DOT1L: variants seen among roughly 807,000 people sequenced by gnomAD.
DOT1L encodes the protein DOT1 like histone lysine methyltransferase.
DOT1L carries 33 observed loss-of-function variants against 153.3 expected under a neutral mutation model. The ratio of observed to expected loss-of-function variants is 0.22; its 90% CI spans 0.16 to 0.29. The LOEUF is 0.29. Among genes scored for constraint, DOT1L ranks in the 10% least tolerant of loss-of-function variants. The pLI is 1.00. For missense variants in DOT1L, 1,847 were observed against 2,119.9 expected, an observed-to-expected ratio of 0.87 and a Z score of 2.53; for synonymous variants, 1,135 against 965.1, an observed-to-expected ratio of 1.18 and a Z score of -3.26.
chr19:2,227,636 G>C, intron 27 of DOT1L: 1 of 1,215,576 alleles, frequency 8.2e-7, no homozygotes, highest in South Asian at 1.4e-5. Flanking sequence ...CACGCCTGGC[G>C]GCGCCGTTTC....
intron 22 of DOT1L, among the ~76,000 whole-genome samples, chr19:2,218,360 A>G (rs1413751989): frequency 2.0e-5 from 3 of 152,184 alleles, no homozygotes; most frequent in Admixed American, 1.3e-4. Flanking sequence ...CGCTTCAAGT[A>G]TATGCTTCAG....
chr19:2,185,809 A>G lies in DOT1L; in HGVS notation c.126-46A>G, dbSNP rs753086198. The G allele has an allele frequency of 6.3e-6, 10 of 1,593,064 alleles. 1 individual carries two copies. The highest frequency in any genetic ancestry group is 3.3e-4 in the Middle Eastern group (2 of 6,014). Reference sequence around the variant, plus strand: ...ACAAAAACAAAACACAAAACAAAACAAAAAAAACCAAACCCTTCCTGATCG... The same window carrying G: ...ACAAAAACAAAACACAAAACAAAACGAAAAAAACCAAACCCTTCCTGATCG... On this transcript the variant is annotated intron_variant, in intron 2 of 27. Transcript: ENST00000398665.
At position 2,230,328 on chromosome 19, in the gene DOT1L, G is replaced by A. The variant is rs1444066278; in HGVS notation, c.*536G>A. On this transcript the variant is annotated 3_prime_UTR_variant, in exon 28 of 28. Coordinates refer to ENST00000398665, the MANE Select transcript of DOT1L (RefSeq NM_032482.3). Reference sequence around the variant, plus strand: ...CACCACATTCCTCGGAGGCCTCCCCGCGGCCTGAGCCCCTTCCTGAGCGCC... The same window carrying A: ...CACCACATTCCTCGGAGGCCTCCCCACGGCCTGAGCCCCTTCCTGAGCGCC... 2.9e-5 allele frequency: 12 copies of A among 415,180 alleles called. No individual in the cohort carries two copies. The highest frequency in any genetic ancestry group is 1.2e-4 in the African/African-American group (6 of 48,682). 25.7% of individuals were successfully genotyped at this position (415,180 alleles called of 1,614,324 possible).
Position 2,220,511 on chromosome 19 carries a change from G to A in DOT1L, c.2806+289G>A. The A allele has an allele frequency of 1.9e-6, 1 of 533,204 alleles. No individual in the cohort carries two copies. Among genetic ancestry groups the A allele is most frequent in the South Asian group, 1.5e-5 (1 of 65,240 alleles). 33.0% of individuals were successfully genotyped at this position (533,204 alleles called of 1,614,324 possible). ...GTGAGGTCGGCCCCAGTGCTCTCGG[G>A]GGCTCCTGTACTCACAGCTGGGAGG... On this transcript the variant is annotated intron_variant, in intron 23 of 27. Transcript: ENST00000398665. The surrounding 1 kb of genome is among the most constrained non-coding windows in gnomAD (Gnocchi z 4.5).
At chr19:2,198,386 C>T (rs907568444) in intron 7 of DOT1L, among the ~76,000 whole-genome samples, 26 of 152,220 alleles carry the variant, frequency 1.7e-4, no homozygotes, top group Non-Finnish European at 2.2e-4. Flanking sequence ...GGGGGCTTCC[C>T]GCGGCCTTGG....
intron 2 of DOT1L, among the ~76,000 whole-genome samples, chr19:2,185,019 A>G (rs1052218367): frequency 6.6e-6 from 1 of 151,998 alleles, no homozygotes; most frequent in East Asian, 1.9e-4. Flanking sequence ...AAGTTTCTGT[A>G]GGTTTAGTGT....
chr19:2,209,481 C>T (rs1411257371), intron 12 of DOT1L, among the ~76,000 whole-genome samples: 3 of 152,234 alleles, frequency 2.0e-5, no homozygotes, highest in African/African-American at 7.2e-5. Flanking sequence ...GCCTGGGGGG[C>T]CACACATGTG....
chr19:2,203,944 G>A (rs1019876776), intron 9 of DOT1L, among the ~76,000 whole-genome samples: 1 of 152,242 alleles, frequency 6.6e-6, no homozygotes, highest in Non-Finnish European at 1.5e-5. Context: ...CCTCCCAACT[G>A]CTCCCCACCT....
chr19:2,213,835 C>T lies in DOT1L; in HGVS notation c.1660-14C>T. On this transcript the variant is annotated splice_polypyrimidine_tract_variant and intron_variant, in intron 17 of 27. Coordinates refer to ENST00000398665, the MANE Select transcript of DOT1L (RefSeq NM_032482.3). Reference sequence around the variant, plus strand: ...GGCCACCAGCATGACCTCTCCCCCGCCCCATGTCCCCAGCTGGGTGTGAAG... The same window carrying T: ...GGCCACCAGCATGACCTCTCCCCCGTCCCATGTCCCCAGCTGGGTGTGAAG... The T allele has an allele frequency of 6.2e-7, 1 of 1,612,986 alleles. No individual in the cohort carries two copies. Among genetic ancestry groups the T allele is most frequent in the Non-Finnish European group, 8.5e-7 (1 of 1,179,918 alleles).
chr19:2,165,798 T>C (rs2019893400), intron 1 of DOT1L, among the ~76,000 whole-genome samples: 2 of 150,356 alleles, frequency 1.3e-5, no homozygotes, highest in East Asian at 2.0e-4. Context: ...AGACGGAGTC[T>C]CGATCTGTCG....
chr19:2,211,065 G>A (rs774686627), intron 14 of DOT1L, 34 bp from the exon 15 acceptor site: 9 of 1,597,802 alleles, frequency 5.6e-6, no homozygotes, highest in East Asian at 2.2e-5. Flanking sequence ...CTCCCGACCC[G>A]CCCTGTGCTG....
chr19:2,213,512 T>G, intron 16 of DOT1L, 27 bp from the exon 17 acceptor site: 2 of 1,609,648 alleles, frequency 1.2e-6, no homozygotes, highest in Non-Finnish European at 1.7e-6. Flanking sequence ...CCCTGGCCCT[T>G]AGTCACCTGC....
rs774205243 is a variant in DOT1L, at chr19:2,210,618, C to G, written c.1117-3C>G. 5.6e-6 allele frequency: 9 copies of G among 1,611,890 alleles called. No homozygotes were observed. Among genetic ancestry groups the G allele is most frequent in the Non-Finnish European group, 7.6e-6 (9 of 1,179,430 alleles). ...ATCCCTGTTCTTCCCTTGTGTCCTC[C>G]AGGACTCTGGTGCTGAGGAAGAGAA... On this transcript the variant is annotated splice_region_variant and splice_polypyrimidine_tract_variant and intron_variant, in intron 13 of 27. Transcript: ENST00000398665.
chr19:2,215,998 T>TA (rs2023883027), intron 19 of DOT1L: 1 of 397,946 alleles, frequency 2.5e-6, no homozygotes, highest in South Asian at 4.2e-5. Context: ...GTTTTACACT[T>TA]AGAGTCTATT....
chr19:2,227,815 G>A (rs1205085179), intron 27 of DOT1L: 1 of 1,302,124 alleles, frequency 7.7e-7, no homozygotes, highest in Non-Finnish European at 1.0e-6. Flanking sequence ...GCATGTGGCA[G>A]CGCCACACTG....
intron 2 of DOT1L, among the ~76,000 whole-genome samples, chr19:2,185,399 A>G (rs2022447675): frequency 6.6e-6 from 1 of 152,162 alleles, no homozygotes; most frequent in South Asian, 2.1e-4. Flanking sequence ...TTTTGAAGTC[A>G]CGCCTCCCTT....
intron 2 of DOT1L, among the ~76,000 whole-genome samples, chr19:2,183,886 A>G (rs2022361148): frequency 6.6e-6 from 1 of 151,984 alleles, no homozygotes; most frequent in Non-Finnish European, 1.5e-5. Context: ...CGGCCTCCCA[A>G]AGCACTGGGA....
chr19:2,180,220 C>T (rs951612535), intron 1 of DOT1L, among the ~76,000 whole-genome samples: 3 of 152,274 alleles, frequency 2.0e-5, no homozygotes, highest in East Asian at 1.9e-4. Context: ...CTATCACCTG[C>T]GGTCACATAC....
Position 2,193,829 on chromosome 19 carries a change from C to T in DOT1L, c.588+46C>T. 1 of 1,590,602 alleles carries T rather than the reference C, an allele frequency of 6.3e-7. No individual in the cohort carries two copies. Among genetic ancestry groups the T allele is most frequent in the Non-Finnish European group, 8.6e-7 (1 of 1,164,146 alleles). On this transcript the variant is annotated intron_variant, in intron 6 of 27. Transcript: ENST00000398665. The surrounding 1 kb of genome is among the most constrained non-coding windows in gnomAD (Gnocchi z 5.9). ...GGGTGTGTTGGAGGCAGGGGACCAT[C>T]AGAGAAAGTGACGCCCTGGGTGCCT...
Sources: gnomAD v4.1 joint callset for allele counts (sites outside exome capture counted in the v4.1 genomes callset) on GRCh38, gnomAD v4.1.1 for gene constraint, Gnocchi (gnomAD v3.1) non-coding constraint, MANE v1.5 for transcripts, NCBI Gene and HGNC (gene_info 2026-07-23, HGNC 2026-07-21) for gene names.